NNMT: variants seen among roughly 807,000 people sequenced by gnomAD.
NNMT encodes the protein nicotinamide N-methyltransferase.
Under a neutral mutation model 11.7 loss-of-function variants are expected in NNMT, and 10 were observed. The observed-to-expected ratio is 0.85, with a 90% CI of 0.53 to 1.45. The LOEUF is 1.45. NNMT is among the 40% of genes most tolerant of loss of function. The pLI is 0.00. For synonymous variants in NNMT, 143 were observed against 133.8 expected (o/e 1.07, Z -0.48); for missense variants, 381 against 319.4 (o/e 1.19, Z -1.47).
chr11:114,310,089 A>G (rs374636435), intron 2 of NNMT, among the ~76,000 whole-genome samples: 1 of 152,188 alleles, frequency 6.6e-6, no homozygotes, highest in Non-Finnish European at 1.5e-5. Flanking sequence ...AAGTTTTTGT[A>G]TGGATATATG....
At position 114,296,480 on chromosome 11, in the gene NNMT, C is replaced by T. The variant is rs1945378507; in HGVS notation, c.-77C>T. ...GTTAGCCTGAGACTCAGGAAGACAA[C>T]TTCTGCAGGGTCACTCCCTGGCTTC... On this transcript the variant is annotated 5_prime_UTR_variant, in exon 1 of 3. Coordinates refer to ENST00000299964, the MANE Select transcript of NNMT (RefSeq NM_006169.3). The T allele has an allele frequency of 6.6e-7, 1 of 1,516,052 alleles. No homozygotes were observed. The highest frequency in any genetic ancestry group is 2.3e-5 in the East Asian group (1 of 44,222). 93.9% of individuals were successfully genotyped at this position (1,516,052 alleles called of 1,614,324 possible).
At chr11:114,299,321 C>G (rs1945415339) in intron 2 of NNMT, among the ~76,000 whole-genome samples, 1 of 152,084 alleles carries the variant, frequency 6.6e-6, no homozygotes, top group South Asian at 2.1e-4. Context: ...AAATTTTAAT[C>G]AAATGTTGAA....
chr11:114,303,788 T>A (rs1945463221), intron 2 of NNMT, among the ~76,000 whole-genome samples: 1 of 152,150 alleles, frequency 6.6e-6, no homozygotes, highest in Non-Finnish European at 1.5e-5. Flanking sequence ...GAGATCTCAC[T>A]GTAGCCTTGA....
intron 2 of NNMT, among the ~76,000 whole-genome samples, chr11:114,309,672 A>C (rs988099819): frequency 3.9e-5 from 6 of 152,212 alleles, no homozygotes; most frequent in Non-Finnish European, 7.3e-5. Flanking sequence ...TGCGAAATTC[A>C]GTAGTTTTTA....
intron 2 of NNMT, among the ~76,000 whole-genome samples, chr11:114,305,444 A>T (rs1296129831): frequency 6.6e-6 from 1 of 151,146 alleles, no homozygotes; most frequent in African/African-American, 2.4e-5. Context: ...GGTGTGCTGC[A>T]CCCATTAACT....
Position 114,260,320 on chromosome 11 carries a change from C to T in NNMT, c.-217+2442C>T, listed in dbSNP as rs529228560. Among the ~76,000 whole-genome samples the T allele has an allele frequency of 2.6e-5, 4 of 152,354 alleles. No individual in the cohort carries two copies. The East Asian group carries it at 5.8e-4, about 22-fold the overall frequency. The stretch of plus-strand genomic sequence containing the variant: ...CTGTTGTGTGTTCCCATAACTTCTA[C>T]CCCTTGCCACGAGAAAGGAAGCCCT... On this transcript the variant is annotated intron_variant, in intron 1 of 4. Transcript: ENST00000535401.
At chr11:114,304,765 T>G (rs554069673) in intron 2 of NNMT, among the ~76,000 whole-genome samples, 2 of 152,162 alleles carry the variant, frequency 1.3e-5, no homozygotes, top group Non-Finnish European at 2.9e-5. Context: ...TCACTTGAGC[T>G]TGGGAGATCG....
intron 2 of NNMT, among the ~76,000 whole-genome samples, chr11:114,275,252 G>A (rs1945205702): frequency 6.6e-6 from 1 of 152,200 alleles, no homozygotes; most frequent in African/African-American, 2.4e-5. Flanking sequence ...AGAAGAGAAT[G>A]TGACAACTGA....
chr11:114,271,892 A>T (rs896025410), intron 2 of NNMT, among the ~76,000 whole-genome samples: 34 of 151,980 alleles, frequency 2.2e-4, no homozygotes, highest in African/African-American at 8.0e-4. Flanking sequence ...AGTGGAGCAG[A>T]AGAGATGGGA....
chr11:114,305,519 C>A (rs1426349128), intron 2 of NNMT, among the ~76,000 whole-genome samples: 2 of 141,792 alleles, frequency 1.4e-5, no homozygotes, highest in Admixed American at 7.1e-5. Flanking sequence ...CCACGACAGG[C>A]CCCGGTGTGT....
At chr11:114,304,058 A>G (rs937783582) in intron 2 of NNMT, among the ~76,000 whole-genome samples, 24 of 152,240 alleles carry the variant, frequency 1.6e-4, no homozygotes, top group African/African-American at 5.8e-4. Context: ...TGACTATGTG[A>G]TTCTACAGAA....
intron 2 of NNMT, among the ~76,000 whole-genome samples, chr11:114,306,252 C>G (rs1338906464): frequency 6.6e-6 from 1 of 152,114 alleles, no homozygotes; most frequent in African/African-American, 2.4e-5. Context: ...GATATTAGCC[C>G]TTTGTCAGAT....
intron 1 of NNMT, among the ~76,000 whole-genome samples, chr11:114,260,795 C>T (rs1025351607): frequency 3.9e-5 from 6 of 152,308 alleles, no homozygotes; most frequent in African/African-American, 9.6e-5. Flanking sequence ...TGGTGGCTGC[C>T]GTGCGGTGCA....
At chr11:114,303,900 T>C (rs1945464745) in intron 2 of NNMT, among the ~76,000 whole-genome samples, 1 of 152,218 alleles carries the variant, frequency 6.6e-6, no homozygotes, top group South Asian at 2.1e-4. Flanking sequence ...ATGGGAGTTT[T>C]GCTCTGTTGC....
intron 2 of NNMT, among the ~76,000 whole-genome samples, chr11:114,268,708 G>A (rs562252845): frequency 1.4e-5 from 2 of 148,048 alleles, no homozygotes; most frequent in Non-Finnish European, 3.0e-5. Flanking sequence ...GGCGCAGCTT[G>A]CAGTGAGCCG....
chr11:114,281,873 CTG>C (rs2135257719), intron 2 of NNMT, among the ~76,000 whole-genome samples: 1 of 152,226 alleles, frequency 6.6e-6, no homozygotes, highest in Admixed American at 6.5e-5. Context: ...GCCTTTTTCT[CTG>C]GGGGAATGTC....
chr11:114,294,124 T>C (rs1284124057), upstream of NNMT, among the ~76,000 whole-genome samples: 1 of 151,920 alleles, frequency 6.6e-6, no homozygotes, highest in African/African-American at 2.4e-5. Context: ...AGAAGGATGG[T>C]TACGAGAGGA....
At chr11:114,310,692 A>T (rs1014693296) in intron 2 of NNMT, among the ~76,000 whole-genome samples, 2 of 152,170 alleles carry the variant, frequency 1.3e-5, no homozygotes, top group Admixed American at 1.3e-4. Context: ...TGAGTGTGAG[A>T]CTGGATCTGC....
At chr11:114,310,184 A>G (rs1945537031) in intron 2 of NNMT, among the ~76,000 whole-genome samples, 1 of 152,198 alleles carries the variant, frequency 6.6e-6, no homozygotes, top group Non-Finnish European at 1.5e-5. Context: ...GAACTGCCAG[A>G]CTGTTTTCCA....
Sources: allele counts gnomAD v4.1 joint callset (sites outside exome capture counted in the v4.1 genomes callset), GRCh38; gene constraint gnomAD v4.1.1; transcripts MANE v1.5; gene names NCBI Gene and HGNC (gene_info 2026-07-23, HGNC 2026-07-21).